PREX1: variants seen among roughly 807,000 people sequenced by gnomAD.
PREX1 encodes phosphatidylinositol-3,4,5-trisphosphate dependent Rac exchange factor 1.
In PREX1, 41 loss-of-function variants were observed where a neutral mutation model predicts 198.3. That is an observed-to-expected ratio of 0.21 (90% CI 0.16 to 0.27). The LOEUF (loss-of-function observed/expected upper bound fraction) is 0.27, where lower values mean the gene tolerates loss of function less well. Among genes scored for constraint, PREX1 ranks in the 10% least tolerant of loss-of-function variants. The probability of loss-of-function intolerance (pLI) is 1.00; values close to 1 mark genes in which losing one functional copy is unlikely to be tolerated. For synonymous variants in PREX1, 843 were observed against 887.2 expected (o/e 0.95, Z 0.89); for missense variants, 1,620 against 2,200.7 (o/e 0.74, Z 5.28).
chr20:48,771,277 T>C (rs1408080123), intron 1 of PREX1, among the ~76,000 whole-genome samples: 2 of 151,140 alleles, frequency 1.3e-5, no homozygotes, highest in East Asian at 3.9e-4. Flanking sequence ...TTGCCGATTT[T>C]GAGCGCTCAC....
chr20:48,765,111 A>G (rs1346071547), intron 1 of PREX1, among the ~76,000 whole-genome samples: 1 of 152,262 alleles, frequency 6.6e-6, no homozygotes, highest in African/African-American at 2.4e-5. Flanking sequence ...CATGTACACG[A>G]AAGAAAAGCA....
At chr20:48,711,495 A>G (rs2089930583) in intron 5 of PREX1, among the ~76,000 whole-genome samples, 1 of 152,086 alleles carries the variant, frequency 6.6e-6, no homozygotes. Flanking sequence ...CCAGTTAGTG[A>G]GACCCCCGCC....
chr20:48,639,973 C>T (rs2089396459), intron 29 of PREX1, 79 bp from the exon 30 acceptor site: 9 of 1,512,306 alleles, frequency 6.0e-6, no homozygotes, highest in Non-Finnish European at 6.4e-6. Flanking sequence ...GGCCTATGTC[C>T]CATCACAGAT....
the PREX1 span, among the ~76,000 whole-genome samples, chr20:48,882,457 G>A: frequency 3.2e-5 from 4 of 123,536 alleles, no homozygotes; most frequent in South Asian, 5.2e-4. Flanking sequence ...AGCCGAGATC[G>A]CGCCACTGCA....
At chr20:48,658,277 A>T (rs1283663872) in intron 16 of PREX1, 49 bp from the exon 17 acceptor site, 1 of 1,587,646 alleles carries the variant, frequency 6.3e-7, no homozygotes, top group South Asian at 1.1e-5. Context: ...AGGTGGGCCT[A>T]CGGCCAGCCC....
intron 1 of PREX1, among the ~76,000 whole-genome samples, chr20:48,753,513 C>T (rs1301742332): frequency 6.6e-6 from 1 of 152,134 alleles, no homozygotes; most frequent in African/African-American, 2.4e-5. Flanking sequence ...AAACACCCTA[C>T]AGTGCACAGG....
At position 48,676,236 on chromosome 20, in the gene PREX1, G is replaced by A. The variant is rs774138387; in HGVS notation, c.1622C>T (p.Ser541Leu). 6.2e-7 allele frequency: 1 copy of A among 1,614,078 alleles called. No homozygotes were observed. Among genetic ancestry groups the A allele is most frequent in the South Asian group, 1.1e-5 (1 of 91,052 alleles). Residue 541 changes from serine (S) to leucine (L), a missense_variant, in exon 14 of 40, where the codon TCA becomes TTA. Physicochemically the swap from Ser to Leu is moderately radical, Grantham distance 145. Coordinates refer to ENST00000371941, the MANE Select transcript of PREX1 (RefSeq NM_020820.4). Reference sequence around the variant, plus strand: ...CACCAGCTTGCTCCCGGGAAGCACTGACTTGTAGGTCTTCAGGTGGTAATC... The same window carrying A: ...CACCAGCTTGCTCCCGGGAAGCACTAACTTGTAGGTCTTCAGGTGGTAATC... The part of the protein sequence containing the change: ...DRDYHLKTYK[S>L]VLPGSKLVDW...
intron 1 of PREX1, among the ~76,000 whole-genome samples, chr20:48,820,809 C>G (rs375928090): frequency 1.3e-5 from 2 of 152,188 alleles, no homozygotes; most frequent in African/African-American, 4.8e-5. Flanking sequence ...AAAGAATGGT[C>G]CAGCCCCGTA....
At chr20:48,862,731 G>A in the PREX1 span, among the ~76,000 whole-genome samples, 4 of 146,334 alleles carry the variant, frequency 2.7e-5, no homozygotes, top group African/African-American at 7.6e-5. Flanking sequence ...GGGGGTATAT[G>A]TGTGTGTTTG....
intron 32 of PREX1, among the ~76,000 whole-genome samples, chr20:48,635,848 G>A (rs1568792854): frequency 6.6e-6 from 1 of 152,340 alleles, no homozygotes; most frequent in East Asian, 1.9e-4. Flanking sequence ...ATCCCCATGT[G>A]AGAAGAGGAA....
chr20:48,653,303 G>T, intron 20 of PREX1, 58 bp downstream of exon 20: 1 of 1,589,142 alleles, frequency 6.3e-7, no homozygotes, highest in Non-Finnish European at 8.6e-7. Context: ...ACAGCCCTCA[G>T]CCACCCACCC....
chr20:48,635,815 A>C (rs996428470), intron 32 of PREX1, among the ~76,000 whole-genome samples: 1 of 152,096 alleles, frequency 6.6e-6, no homozygotes, highest in Non-Finnish European at 1.5e-5. Context: ...TGGTGTTTGG[A>C]GAATGAAGGA....
At chr20:48,775,621 G>A (rs1005321539) in intron 1 of PREX1, among the ~76,000 whole-genome samples, 1 of 152,132 alleles carries the variant, frequency 6.6e-6, no homozygotes, top group Admixed American at 6.5e-5. Flanking sequence ...CACATGTTAT[G>A]GGAGGGATGC....
At chr20:48,840,309 C>G in the PREX1 span, among the ~76,000 whole-genome samples, 1 of 149,772 alleles carries the variant, frequency 6.7e-6, no homozygotes, top group African/African-American at 2.5e-5. Flanking sequence ...GCCACCGTGC[C>G]TGACCACGAC....
chr20:48,708,611 T>C (rs1297864179), intron 5 of PREX1, among the ~76,000 whole-genome samples, 190 bp from the exon 6 acceptor site: 1 of 151,988 alleles, frequency 6.6e-6, no homozygotes, highest in Non-Finnish European at 1.5e-5. Flanking sequence ...TGGTAAACAC[T>C]AGAAAGACAA....
rs1237999700 is a variant in PREX1 at position 48,636,346 on chromosome 20, G to A, written c.4167+117C>T. 3.8e-6 allele frequency: 4 copies of A among 1,058,406 alleles called. No individual in the cohort carries two copies. The East Asian group carries it at 1.0e-4, about 28-fold the overall frequency. The allele number at this position is 1,058,406 out of a possible 1,614,324, so 65.6% of individuals were successfully genotyped here. A position where few individuals can be genotyped will look rare whatever the true frequency, so the allele number is the denominator to read the frequency against. Reference sequence around the variant, plus strand: ...CACAGGTGCTCAACAAATAGCTGCTGCGGGAATGACGAGGCCAGGGGGAGC... The same window carrying A: ...CACAGGTGCTCAACAAATAGCTGCTACGGGAATGACGAGGCCAGGGGGAGC... On this transcript the variant is annotated intron_variant, in intron 32 of 39. Transcript: ENST00000371941.
intron 3 of PREX1, 31 bp from the exon 4 acceptor site, chr20:48,734,681 C>G: frequency 1.2e-6 from 2 of 1,601,516 alleles, no homozygotes; most frequent in Non-Finnish European, 1.7e-6. Context: ...CTGTGGGAGG[C>G]AGGTCATGGT....
At position 48,734,617 on chromosome 20, in the gene PREX1, T is replaced by C; in HGVS notation, c.448A>G (p.Ser150Gly). 1 of 1,614,140 alleles carries C rather than the reference T, an allele frequency of 6.2e-7. No homozygotes were observed. The highest frequency in any genetic ancestry group is 8.5e-7 in the Non-Finnish European group (1 of 1,179,992). ...DKFCVYEEYC[S>G]NHEKALRLLV... ...AGCCTCAGGGCTTTCTCATGGTTGC[T>C]GCAATACTCCTCGTACACGCAGAAC... The change falls in exon 4 of 40, where the codon AGC becomes GGC. Residue 150 changes from serine to glycine, a missense_variant. Ser to Gly is a moderately conservative substitution (Grantham distance 56, BLOSUM62 0). Transcript: ENST00000371941.
At chr20:48,877,648 T>C in the PREX1 span, among the ~76,000 whole-genome samples, 4 of 152,240 alleles carry the variant, frequency 2.6e-5, no homozygotes. Flanking sequence ...CATTTCATAT[T>C]TGTTACATTA....
Sources: allele counts gnomAD v4.1 joint callset (sites outside exome capture counted in the v4.1 genomes callset), GRCh38; gene constraint gnomAD v4.1.1; transcripts MANE v1.5; gene names NCBI Gene and HGNC (gene_info 2026-07-23, HGNC 2026-07-21).